SGPL1: variants seen among roughly 807,000 people sequenced by gnomAD.
The protein encoded by SGPL1 is SP-lyase 1.
Under a neutral mutation model 68.9 loss-of-function variants are expected in SGPL1, and 37 were observed. The observed-to-expected ratio is 0.54, with a 90% CI of 0.41 to 0.71. The LOEUF (loss-of-function observed/expected upper bound fraction) is 0.71. SGPL1 is among the 30% of genes least tolerant of loss of function. The probability of loss-of-function intolerance (pLI) is 0.00; values close to 1 mark genes in which losing one functional copy is unlikely to be tolerated. For missense variants in SGPL1, 551 were observed against 704.6 expected, an observed-to-expected ratio of 0.78 and a Z score of 2.47; for synonymous variants, 236 against 248.5, an observed-to-expected ratio of 0.95 and a Z score of 0.47.
chr10:70,839,069 G>A (rs34328359), intron 2 of SGPL1, among the ~76,000 whole-genome samples: 1,615 of 152,248 alleles, frequency 0.011, 16 homozygotes, highest in Non-Finnish European at 0.019. Context: ...TCATTGGGGC[G>A]AGTGGGCTAC....
At chr10:70,816,767 A>G (rs1418657653) in intron 1 of SGPL1, 44 bp from the exon 2 acceptor site, 4 of 1,343,816 alleles carry the variant, frequency 3.0e-6, no homozygotes, top group African/African-American at 2.9e-5. Context: ...CTGGCGAGAC[A>G]GTTTAAAGCT....
intron 2 of SGPL1, among the ~76,000 whole-genome samples, chr10:70,825,019 C>CGGT (rs1845408519): frequency 6.8e-6 from 1 of 146,844 alleles, no homozygotes. Flanking sequence ...GGCTAGAGTG[C>CGGT]AGTGGCTCGA....
At chr10:70,873,730 GGGCTTAGGC>G in intron 12 of SGPL1, 141 bp downstream of exon 12, 1 of 706,134 alleles carries the variant, frequency 1.4e-6, no homozygotes, top group Non-Finnish European at 2.5e-6. Flanking sequence ...CAGCAGCTTA[GGGCTTAGGC>G]CAGACCAGCT....
At chr10:70,828,140 G>A (rs1247069130) in intron 2 of SGPL1, among the ~76,000 whole-genome samples, 2 of 152,118 alleles carry the variant, frequency 1.3e-5, no homozygotes, top group African/African-American at 4.8e-5. Context: ...GTGTGGTAAC[G>A]TGTACTGCCA....
intron 7 of SGPL1, among the ~76,000 whole-genome samples, chr10:70,862,372 T>C (rs1846084540): frequency 6.6e-6 from 1 of 152,066 alleles, no homozygotes; most frequent in Non-Finnish European, 1.5e-5. Context: ...TGTGTCTAGC[T>C]CAGGGATTGT....
chr10:70,864,946 T>G (rs932485434), intron 7 of SGPL1, among the ~76,000 whole-genome samples: 1 of 152,226 alleles, frequency 6.6e-6, no homozygotes, highest in African/African-American at 2.4e-5. Context: ...CCCTTTGAGC[T>G]CTGATTATTT....
At chr10:70,844,805 T>A (rs1252677632) in intron 3 of SGPL1, among the ~76,000 whole-genome samples, 167 bp downstream of exon 3, 1 of 152,174 alleles carries the variant, frequency 6.6e-6, no homozygotes. Flanking sequence ...ACTGGCCTGA[T>A]CTTGGCTCAC....
chr10:70,838,068 A>G (rs1845655221), intron 2 of SGPL1, among the ~76,000 whole-genome samples: 1 of 152,162 alleles, frequency 6.6e-6, no homozygotes. Flanking sequence ...TACAATGGCA[A>G]TTAAATTTCA....
At chr10:70,875,295 T>G (rs1846365815) in intron 12 of SGPL1, 107 bp from the exon 13 acceptor site, 1 of 709,958 alleles carries the variant, frequency 1.4e-6, no homozygotes, top group Non-Finnish European at 2.4e-6. Context: ...AAGGGTTAGA[T>G]TGCATTCATT....
Position 70,873,370 on chromosome 10 carries a change from G to C in SGPL1, c.1079G>C (p.Gly360Ala). 6.2e-7 allele frequency: 1 copy of C among 1,614,024 alleles called. No individual in the cohort carries two copies. The highest frequency in any genetic ancestry group is 8.5e-7 in the Non-Finnish European group (1 of 1,179,860). ...CCACAGTATGGCTATGCCCCAAAAGGCTCATCATTGGTGTTGTATAGTGAC... is the reference window on the plus strand; with the variant it reads ...CCACAGTATGGCTATGCCCCAAAAGCCTCATCATTGGTGTTGTATAGTGAC... ...DTHKYGYAPK[G>A]SSLVLYSDKK... Residue 360 changes from glycine (G) to alanine (A), a missense_variant, in exon 12 of 15, where the codon GGC (glycine) becomes GCC (alanine). By Grantham distance (60) the Gly-to-Ala change is moderately conservative (BLOSUM62 0). Transcript: ENST00000373202.
chr10:70,869,881 T>G lies in SGPL1; in HGVS notation c.794T>G (p.Met265Arg), dbSNP rs1421573827. ...KIVRVPLTKMMEVDVRAMRRA... is the reference protein window; with the variant it reads ...KIVRVPLTKMREVDVRAMRRA... ...GTGCGGGTCCCATTGACGAAGATGA[T>G]GGAGGTGGATGTGCGGGTGAGTCCC... The change falls in exon 9 of 15, where the codon ATG becomes AGG. Residue 265 changes from methionine (M) to arginine (R), a missense_variant. Met to Arg is a moderately conservative substitution (Grantham distance 91). Transcript: ENST00000373202. 1.2e-6 allele frequency: 2 copies of G among 1,613,942 alleles called. No homozygotes were observed. Among genetic ancestry groups the G allele is most frequent in the Non-Finnish European group, 8.5e-7 (1 of 1,179,940 alleles).
chr10:70,863,747 T>C (rs977164088), intron 7 of SGPL1, among the ~76,000 whole-genome samples: 1 of 152,256 alleles, frequency 6.6e-6, no homozygotes, highest in Non-Finnish European at 1.5e-5. Context: ...GAAAGATTGC[T>C]ATTTTTCTTT....
chr10:70,877,943 T>C lies in SGPL1; in HGVS notation c.*608T>C, dbSNP rs1846427593. Reference sequence around the variant, plus strand: ...GATTCTTCTGCCTCAGCCTCCCGAGTAGCTGGGATTACCGGCACCCACCAC... The same window carrying C: ...GATTCTTCTGCCTCAGCCTCCCGAGCAGCTGGGATTACCGGCACCCACCAC... On this transcript the variant is annotated 3_prime_UTR_variant, in exon 15 of 15. Coordinates refer to ENST00000373202, the MANE Select transcript of SGPL1 (RefSeq NM_003901.4). The C allele has an allele frequency of 6.6e-6, 1 of 150,974 alleles. No individual in the cohort carries two copies. 9.4% of individuals were successfully genotyped at this position (150,974 alleles called of 1,614,324 possible).
intron 2 of SGPL1, among the ~76,000 whole-genome samples, chr10:70,818,862 A>G (rs1454598859): frequency 6.6e-6 from 1 of 152,240 alleles, no homozygotes; most frequent in African/African-American, 2.4e-5. Flanking sequence ...ACTGGAAACT[A>G]TAAGTAAGCA....
intron 2 of SGPL1, among the ~76,000 whole-genome samples, chr10:70,825,350 C>T (rs937762179): frequency 6.6e-6 from 1 of 152,068 alleles, no homozygotes; most frequent in Admixed American, 6.5e-5. Flanking sequence ...GGGTGGAATC[C>T]GGAGGCACAT....
At chr10:70,838,587 A>G (rs1313230020) in intron 2 of SGPL1, among the ~76,000 whole-genome samples, 1 of 152,234 alleles carries the variant, frequency 6.6e-6, no homozygotes, top group Non-Finnish European at 1.5e-5. Context: ...GATTGTGTAG[A>G]GTGGAAAATA....
At chr10:70,836,749 T>C (rs985811664) in intron 2 of SGPL1, among the ~76,000 whole-genome samples, 7 of 150,216 alleles carry the variant, frequency 4.7e-5, no homozygotes, top group Admixed American at 4.0e-4. Flanking sequence ...TGCTTTTTTG[T>C]TTGTTTGTTT....
At chr10:70,870,531 T>C (rs1392183303) in intron 9 of SGPL1, among the ~76,000 whole-genome samples, 2 of 151,804 alleles carry the variant, frequency 1.3e-5, no homozygotes, top group East Asian at 3.9e-4. Context: ...AGACTCTCAC[T>C]GTGGTTTAGA....
chr10:70,871,756 C>T lies in SGPL1; in HGVS notation c.910-81C>T, dbSNP rs866710727. The T allele has an allele frequency of 4.4e-5, 59 of 1,348,978 alleles. No individual in the cohort carries two copies. The South Asian group carries it at 7.7e-4, about 18-fold the overall frequency. 83.6% of individuals were successfully genotyped at this position (1,348,978 alleles called of 1,614,324 possible). On this transcript the variant is annotated intron_variant, in intron 10 of 14. Transcript: ENST00000373202. ...ACAAAATAGCCTTGTGTTTATAGCC[C>T]ATCTTTCCACCCATGTCTTGCAGTT...
Sources: allele counts gnomAD v4.1 joint callset (sites outside exome capture counted in the v4.1 genomes callset), GRCh38; gene constraint gnomAD v4.1.1; transcripts MANE v1.5; gene names NCBI Gene and HGNC (gene_info 2026-07-23, HGNC 2026-07-21).